THNSL1: variants seen among roughly 807,000 people sequenced by gnomAD.
THNSL1 encodes the protein threonine synthase like 1.
Under a neutral mutation model 50.4 loss-of-function variants are expected in THNSL1, and 48 were observed. The observed-to-expected ratio is 0.95, with a 90% CI of 0.76 to 1.21. THNSL1 has a LOEUF of 1.21. Among genes scored for constraint, THNSL1 ranks in the 50% most tolerant of loss-of-function variants. The pLI, the probability that THNSL1 is intolerant of heterozygous loss-of-function variation, is 0.00. For synonymous variants in THNSL1, 309 were observed against 306.1 expected (o/e 1.01, Z -0.10); for missense variants, 896 against 871.7 (o/e 1.03, Z -0.35).
chr10:24,988,906 G>A, the THNSL1 span, among the ~76,000 whole-genome samples: 10 of 151,726 alleles, frequency 6.6e-5, no homozygotes, highest in African/African-American at 9.7e-5. Context: ...CTCAGGGCTC[G>A]TCAGGAGGCC....
At chr10:24,979,947 C>T in the THNSL1 span, among the ~76,000 whole-genome samples, 1 of 152,136 alleles carries the variant, frequency 6.6e-6, no homozygotes, top group Non-Finnish European at 1.5e-5. Flanking sequence ...CCTCCCTCTT[C>T]CCCCGTTCAA....
At chr10:25,012,970 G>A (rs1850484800), upstream of THNSL1, among the ~76,000 whole-genome samples, 2 of 152,170 alleles carry the variant, frequency 1.3e-5, no homozygotes, top group South Asian at 4.1e-4. Context: ...GAGGGATCTG[G>A]TGATAGGTAA....
chr10:24,976,435 C>T, the THNSL1 span, among the ~76,000 whole-genome samples: 16 of 152,130 alleles, frequency 1.1e-4, no homozygotes, highest in Non-Finnish European at 2.2e-4. Context: ...TGCAGCCTAA[C>T]TCGTCTATCT....
At chr10:24,995,635 C>A in the THNSL1 span, 1 of 1,602,190 alleles carries the variant, frequency 6.2e-7, no homozygotes, top group Non-Finnish European at 8.5e-7. Flanking sequence ...ATTAATATAC[C>A]ACAAGGCTAC....
At chr10:24,952,920 G>T in the THNSL1 span, among the ~76,000 whole-genome samples, 1 of 151,832 alleles carries the variant, frequency 6.6e-6, no homozygotes, top group African/African-American at 2.4e-5. The surrounding 1 kb of genome is among the most constrained non-coding windows in gnomAD (Gnocchi z 5.1). Context: ...CGGCCCCGCC[G>T]CCAAGCCCCG....
the THNSL1 span, among the ~76,000 whole-genome samples, chr10:24,956,699 T>C: frequency 6.6e-6 from 1 of 152,180 alleles, no homozygotes; most frequent in East Asian, 1.9e-4. Flanking sequence ...ATTTGAAATA[T>C]ACAACACATT....
At position 25,024,889 on chromosome 10, in the gene THNSL1, C is replaced by T. The variant is rs7086282; in HGVS notation, c.1666C>T (p.Leu556=). ...ACATTATGATCTAAGGGAAAGAAAA[C>T]TAGCACAAACCTTTTCACCGTCAAT... is the stretch of plus-strand genomic sequence containing the variant. ...TGHYDLRERK[L]AQTFSPSIDI... is the part of the protein sequence containing the mutation. The change falls in exon 3 of 3, where the codon CTA becomes TTA. Residue 556 remains leucine, a synonymous_variant. Transcript: ENST00000376356. 618,938 of 1,613,552 alleles carry T rather than the reference C, an allele frequency of 0.38. 124,008 individuals are homozygous for T. Among genetic ancestry groups the T allele is most frequent in the African/African-American group, 0.66 (49,099 of 74,922 alleles).
At chr10:24,972,522 A>AAAT in the THNSL1 span, among the ~76,000 whole-genome samples, 80 of 150,144 alleles carry the variant, frequency 5.3e-4, 1 homozygote, top group Middle Eastern at 0.014. Context: ...AAAAAAAAAT[A>AAAT]AATAATAATA....
rs772839458 is a variant in THNSL1 at position 25,024,211 on chromosome 10, G to T, written c.988G>T (p.Val330Phe). 21 of 1,614,194 alleles carry T rather than the reference G, an allele frequency of 1.3e-5. No homozygotes were observed. Among genetic ancestry groups the T allele is most frequent in the Non-Finnish European group, 1.7e-5 (20 of 1,180,030 alleles). ...CTTTGCCTGCTCAAAAATTGCTCCT[G>T]TCAGGCACCTTTCAGGCAACCAGTT... Reference protein sequence around the residue: ...ENFACSKIAPVRHLSGNQFIL... With the variant: ...ENFACSKIAPFRHLSGNQFIL... Residue 330 changes from valine to phenylalanine, a missense_variant, in exon 3 of 3, where the codon GTC becomes TTC. Transcript: ENST00000376356.
chr10:24,984,548 A>T, the THNSL1 span: 1 of 1,096,958 alleles, frequency 9.1e-7, no homozygotes, highest in South Asian at 1.8e-5. Context: ...GACACTAGTA[A>T]AAACAAAATT....
Position 25,024,776 on chromosome 10 carries a change from T to C in THNSL1, c.1553T>C (p.Val518Ala). Residue 518 changes from valine (V) to alanine (A), a missense_variant, in exon 3 of 3, where the codon GTG (valine) becomes GCG (alanine). Transcript: ENST00000376356. ...AACTTTGGTAACATTTTAGCAGCAGTGTATGCCAAAATGATGGGAATCCCG... is the reference window on the plus strand; with the variant it reads ...AACTTTGGTAACATTTTAGCAGCAGCGTATGCCAAAATGATGGGAATCCCG... ...TGNFGNILAA[V>A]YAKMMGIPIR... is the part of the protein sequence containing the mutation. 6.2e-7 allele frequency: 1 copy of C among 1,614,196 alleles called. No homozygotes were observed. The highest frequency in any genetic ancestry group is 8.5e-7 in the Non-Finnish European group (1 of 1,180,026).
At chr10:24,991,852 C>A in the THNSL1 span, among the ~76,000 whole-genome samples, 140 of 152,338 alleles carry the variant, frequency 9.2e-4, 3 homozygotes, top group East Asian at 0.026. Context: ...AAAGAGCACC[C>A]TGTAACACAC....
the THNSL1 span, among the ~76,000 whole-genome samples, chr10:24,996,749 G>A: frequency 6.6e-6 from 1 of 152,028 alleles, no homozygotes; most frequent in Non-Finnish European, 1.5e-5. Flanking sequence ...TTTATTATCA[G>A]CAAAGCCAAT....
chr10:24,967,995 A>ATGTGTG, the THNSL1 span, among the ~76,000 whole-genome samples: 161 of 139,762 alleles, frequency 1.2e-3, no homozygotes, highest in South Asian at 3.1e-3. Context: ...TATGTGTATG[A>ATGTGTG]TGTGTGTGTG....
chr10:25,025,197 C>T lies in THNSL1; in HGVS notation c.1974C>T (p.Cys658=). 2.5e-6 allele frequency: 4 copies of T among 1,614,142 alleles called. No individual in the cohort carries two copies. Among genetic ancestry groups the T allele is most frequent in the Non-Finnish European group, 3.4e-6 (4 of 1,180,028 alleles). The part of the protein sequence containing the change: ...VVADRVQDKT[C]PVIISSTAHY... Reference sequence around the variant, plus strand: ...CAGATAGGGTGCAAGACAAAACTTGCCCTGTGATTATCTCATCTACAGCCC... The same window carrying T: ...CAGATAGGGTGCAAGACAAAACTTGTCCTGTGATTATCTCATCTACAGCCC... Residue 658 remains cysteine (C), a synonymous_variant, in exon 3 of 3, where the codon TGC becomes TGT. Transcript: ENST00000376356.
At chr10:25,007,579 C>T in the THNSL1 span, among the ~76,000 whole-genome samples, 2 of 152,114 alleles carry the variant, frequency 1.3e-5, no homozygotes, top group Non-Finnish European at 1.5e-5. Flanking sequence ...GGACTACAGG[C>T]GCCCGCCACC....
At chr10:24,994,417 C>G in the THNSL1 span, among the ~76,000 whole-genome samples, 13 of 151,522 alleles carry the variant, frequency 8.6e-5, no homozygotes, top group Admixed American at 8.5e-4. Context: ...CACTGCAACC[C>G]CCGCCTCCTG....
At chr10:25,010,084 AG>A in the THNSL1 span, among the ~76,000 whole-genome samples, 3 of 152,190 alleles carry the variant, frequency 2.0e-5, no homozygotes, top group Admixed American at 6.5e-5. Flanking sequence ...AGGGCTCAGA[AG>A]GGGACAGAAA....
the THNSL1 span, among the ~76,000 whole-genome samples, chr10:24,979,035 C>T: frequency 5.3e-5 from 8 of 152,158 alleles, no homozygotes; most frequent in Non-Finnish European, 1.0e-4. Flanking sequence ...TTTCTTCCCC[C>T]GATCTGTGTT....
Sources: allele counts gnomAD v4.1 joint callset (sites outside exome capture counted in the v4.1 genomes callset), GRCh38; gene constraint gnomAD v4.1.1; non-coding constraint Gnocchi (gnomAD v3.1); transcripts MANE v1.5; gene names NCBI Gene and HGNC (gene_info 2026-07-23, HGNC 2026-07-21).